SORD: variants seen among roughly 807,000 people sequenced by gnomAD.
SORD encodes the protein (R,R)-butanediol dehydrogenase.
Under a neutral mutation model 35.6 loss-of-function variants are expected in SORD, and 18 were observed. That is an observed-to-expected ratio of 0.51 (90% CI 0.35 to 0.75). The LOEUF is 0.75. Ranked by LOEUF, SORD falls within the 30% of genes least tolerant of loss-of-function variation. The pLI, the probability that SORD is intolerant of heterozygous loss-of-function variation, is 0.01. For missense variants in SORD, 250 were observed against 390.2 expected (o/e 0.64, Z 3.03); for synonymous variants, 106 against 152.9 (o/e 0.69, Z 2.26).
At chr15:45,067,042 T>C (rs1893417800) in intron 5 of SORD, among the ~76,000 whole-genome samples, 1 of 152,170 alleles carries the variant, frequency 6.6e-6, no homozygotes, top group South Asian at 2.1e-4. Context: ...GAGACCATGC[T>C]AAATACGCTT....
intron 4 of SORD, among the ~76,000 whole-genome samples, chr15:45,061,938 C>T (rs1893319832): frequency 1.3e-5 from 2 of 152,130 alleles, no homozygotes; most frequent in African/African-American, 4.8e-5. Context: ...GCTGACATTT[C>T]CTGAGGTGTG....
chr15:45,049,017 T>A (rs1399811315), intron 3 of SORD, among the ~76,000 whole-genome samples: 7 of 152,140 alleles, frequency 4.6e-5, no homozygotes, highest in Admixed American at 3.3e-4. Context: ...GCCCACCCCC[T>A]TGCAAGTTCC....
intron 1 of SORD, among the ~76,000 whole-genome samples, chr15:45,030,345 A>G (rs2899143): frequency 0.21 from 30,851 of 150,162 alleles, no homozygotes; most frequent in African/African-American, 0.44. Flanking sequence ...AAACTGCACA[A>G]CAGAAATTAA....
chr15:45,040,973 G>A (rs878886136), intron 2 of SORD, among the ~76,000 whole-genome samples: 8 of 152,220 alleles, frequency 5.3e-5, no homozygotes, highest in South Asian at 2.1e-4. Flanking sequence ...GTGCTGCATG[G>A]GTCCCTGTCC....
At chr15:45,053,915 A>C (rs1298742432) in intron 3 of SORD, among the ~76,000 whole-genome samples, 3 of 137,162 alleles carry the variant, frequency 2.2e-5, no homozygotes. Context: ...TGTCCTTGCG[A>C]TAGTTTACCG....
chr15:45,028,345 A>C (rs559637255), intron 1 of SORD, among the ~76,000 whole-genome samples: 32 of 152,310 alleles, frequency 2.1e-4, no homozygotes, highest in African/African-American at 7.5e-4. Context: ...AACAAACAAA[A>C]AAATTATATA....
At position 45,065,359 on chromosome 15, in the gene SORD, C is replaced by T; in HGVS notation, c.514C>T (p.Leu172=). The T allele has an allele frequency of 1.2e-6, 2 of 1,613,554 alleles. No homozygotes were observed. Among genetic ancestry groups the T allele is most frequent in the Non-Finnish European group, 1.7e-6 (2 of 1,179,702 alleles). ...IHACRRGGVT[L]GHKVLVCGAG... ...TGCCTGCAGGAGAGGCGGAGTTACCCTGGGACACAAGGTCCTTGTGTGTGG... is the reference window on the plus strand; with the variant it reads ...TGCCTGCAGGAGAGGCGGAGTTACCTTGGGACACAAGGTCCTTGTGTGTGG... Residue 172 remains leucine, a synonymous_variant, in exon 5 of 9, where the codon CTG becomes TTG. Transcript: ENST00000267814.
chr15:45,054,845 G>T (rs1268590322), intron 3 of SORD, among the ~76,000 whole-genome samples: 1 of 150,878 alleles, frequency 6.6e-6, no homozygotes, highest in African/African-American at 2.4e-5. Context: ...AAGGGATCCA[G>T]TTTCAGCTTT....
chr15:45,025,455 C>T (rs879772672), intron 1 of SORD, among the ~76,000 whole-genome samples: 4 of 151,910 alleles, frequency 2.6e-5, no homozygotes, highest in Admixed American at 2.0e-4. Flanking sequence ...CTGGCCAACA[C>T]GGTGAAACTG....
At chr15:45,065,906 C>A (rs1358405950) in intron 5 of SORD, among the ~76,000 whole-genome samples, 1 of 151,802 alleles carries the variant, frequency 6.6e-6, no homozygotes, top group Admixed American at 6.6e-5. Context: ...GGTGACAGAA[C>A]AAGACCCTGT....
At chr15:45,041,193 C>T (rs1226418749) in intron 2 of SORD, among the ~76,000 whole-genome samples, 2 of 152,174 alleles carry the variant, frequency 1.3e-5, no homozygotes, top group East Asian at 1.9e-4. Flanking sequence ...CCCAGCCCAC[C>T]GTCTGCACAT....
intron 1 of SORD, among the ~76,000 whole-genome samples, chr15:45,027,843 G>A (rs1341423953): frequency 5.9e-5 from 9 of 152,316 alleles, no homozygotes; most frequent in African/African-American, 1.7e-4. Flanking sequence ...TACAATGTAG[G>A]GTTCACTCGA....
At chr15:45,049,107 G>A (rs1893089200) in intron 3 of SORD, among the ~76,000 whole-genome samples, 1 of 152,192 alleles carries the variant, frequency 6.6e-6, no homozygotes, top group African/African-American at 2.4e-5. Context: ...AAGAACAGAG[G>A]CATTTCTATG....
At chr15:45,054,999 A>T (rs1017311442) in intron 3 of SORD, among the ~76,000 whole-genome samples, 6 of 152,022 alleles carry the variant, frequency 3.9e-5, no homozygotes, top group African/African-American at 1.5e-4. Context: ...TGTTCCATTG[A>T]TCTCTATCTC....
chr15:45,058,011 A>C (rs1225211325), intron 3 of SORD, among the ~76,000 whole-genome samples: 2 of 152,238 alleles, frequency 1.3e-5, no homozygotes, highest in Non-Finnish European at 2.9e-5. Context: ...TCTTTGAGTT[A>C]CTTTCCTGGT....
At chr15:45,023,380 C>G (rs376977526) in intron 1 of SORD, 31 bp downstream of exon 1, 1 of 1,521,890 alleles carries the variant, frequency 6.6e-7, no homozygotes, top group African/African-American at 1.4e-5. Flanking sequence ...GGAAGCATAC[C>G]GATCCTGCCT....
chr15:45,037,006 T>G (rs1165717971), intron 1 of SORD, among the ~76,000 whole-genome samples: 1 of 152,234 alleles, frequency 6.6e-6, no homozygotes, highest in Admixed American at 6.5e-5. Context: ...CATTGTAGTC[T>G]CCACAGTGTG....
chr15:45,068,693 C>T (rs1248739234), intron 6 of SORD, among the ~76,000 whole-genome samples, 184 bp from the exon 7 acceptor site: 2 of 151,414 alleles, frequency 1.3e-5, no homozygotes, highest in African/African-American at 2.4e-5. Context: ...TCCTGGGCTG[C>T]ATGTGGGCTG....
At chr15:45,031,327 AAAAAAAAAAAAAC>A (rs1401412925) in intron 1 of SORD, among the ~76,000 whole-genome samples, 3 of 75,648 alleles carry the variant, frequency 4.0e-5, no homozygotes, top group African/African-American at 8.4e-4. Context: ...CAACAACGAC[AAAAAAAAAAAAAC>A]AACAGGGAAT....
Sources: allele counts gnomAD v4.1 joint callset (sites outside exome capture counted in the v4.1 genomes callset), GRCh38; gene constraint gnomAD v4.1.1; transcripts MANE v1.5; gene names NCBI Gene and HGNC (gene_info 2026-07-23, HGNC 2026-07-21).